The following TIMELESS variants were observed in gnomAD, a reference collection of about 807,000 sequenced individuals.
TIMELESS encodes timeless circadian regulator, also known as protein timeless homolog.
TIMELESS carries 124 observed loss-of-function variants against 164.3 expected under a neutral mutation model. The ratio of observed to expected loss-of-function variants is 0.75; its 90% CI spans 0.65 to 0.88. The LOEUF (loss-of-function observed/expected upper bound fraction) is 0.88, where lower values mean the gene tolerates loss of function less well. Among genes scored for constraint, TIMELESS ranks in the 40% least tolerant of loss-of-function variants. The probability of loss-of-function intolerance (pLI) is 0.00; values close to 1 mark genes in which losing one functional copy is unlikely to be tolerated. For synonymous variants in TIMELESS, 564 were observed against 563.4 expected (o/e 1.00, Z -0.02); for missense variants, 1,422 against 1,491.4 (o/e 0.95, Z 0.77).
Position 56,433,126 on chromosome 12 carries a change from C to T in TIMELESS, c.431G>A (p.Gly144Asp), listed in dbSNP as rs1454384368. 1 of 1,614,036 alleles carries T rather than the reference C, an allele frequency of 6.2e-7. No individual in the cohort carries two copies. The highest frequency in any genetic ancestry group is 1.7e-5 in the Admixed American group (1 of 59,992). The change falls in exon 6 of 29, where the codon GGC becomes GAC. Residue 144 changes from glycine (G) to aspartate (D), a missense_variant and splice_region_variant. Coordinates refer to ENST00000553532, the MANE Select transcript of TIMELESS (RefSeq NM_003920.5). The part of the protein sequence containing the change: ...SETLYELLQL[G>D]WEERQEEDNL... The stretch of plus-strand genomic sequence containing the variant: ...GTCTTCCTCCTGCCGTTCCTCCCAG[C>T]CCTAACCAGAAGAGAGTAAGAGGAA...
At chr12:56,442,771 G>A (rs545419723) in intron 1 of TIMELESS, among the ~76,000 whole-genome samples, 19 of 152,276 alleles carry the variant, frequency 1.2e-4, no homozygotes, top group South Asian at 4.1e-4. Flanking sequence ...TGGAGAGACC[G>A]GCTGAAGCCA....
intron 26 of TIMELESS, 97 bp downstream of exon 26, chr12:56,420,472 G>GGAT (rs10631263): frequency 0.69 from 661,599 of 955,898 alleles, 233,858 homozygotes; most frequent in African/African-American, 0.79. Flanking sequence ...ATGACGATAA[G>GGAT]GATAAGGAGG....
rs186989058 is a variant in TIMELESS at position 56,419,333 on chromosome 12, C to A, written c.3229-974G>T. ...GGCTGCATCAGGGGCATGAACAAAT[C>A]ACAGCTGCAAAAGTGATTATTTTTA... On this transcript the variant is annotated intron_variant, in intron 26 of 28. Coordinates refer to ENST00000553532, the MANE Select transcript of TIMELESS (RefSeq NM_003920.5). Among the ~76,000 whole-genome samples, 683 of 152,244 alleles carry A rather than the reference C, an allele frequency of 4.5e-3. 26 individuals carry two copies. Among genetic ancestry groups the A allele is most frequent in the Admixed American group, 0.043 (656 of 15,284 alleles).
intron 15 of TIMELESS, 79 bp from the exon 16 acceptor site, chr12:56,423,973 T>G (rs1377884833): frequency 7.9e-7 from 1 of 1,258,168 alleles, no homozygotes; most frequent in Non-Finnish European, 1.1e-6. Flanking sequence ...AAGAAGGAAT[T>G]TAGACTTATT....
Position 56,444,658 on chromosome 12 carries a change from G to A in TIMELESS, c.-62+4652C>T, listed in dbSNP as rs896838017. Among the ~76,000 whole-genome samples, 4 of 150,904 alleles carry A rather than the reference G, an allele frequency of 2.7e-5. No homozygotes were observed. The South Asian group carries it at 6.3e-4, about 24-fold the overall frequency. Reference sequence around the variant, plus strand: ...AGCCCCCAGGCTCAAGCTATCCTCCGACCGCAGCCTCCCAAAGTGCTGGGA... The same window carrying A: ...AGCCCCCAGGCTCAAGCTATCCTCCAACCGCAGCCTCCCAAAGTGCTGGGA... On this transcript the variant is annotated intron_variant, in intron 1 of 28. Transcript: ENST00000553532.
In TIMELESS at chr12:56,420,673, C is replaced by A. The variant is rs745492833; in HGVS notation, c.3124G>T (p.Val1042Phe). The A allele has an allele frequency of 6.2e-7, 1 of 1,614,190 alleles. No homozygotes were observed. The highest frequency in any genetic ancestry group is 1.1e-5 in the South Asian group (1 of 91,086). The change falls in exon 26 of 29, where the codon GTT (valine) becomes TTT (phenylalanine). Residue 1042 changes from valine to phenylalanine, a missense_variant. Transcript: ENST00000553532. ...DREEDGCSQA[V>F]PLVPLTEENE... ...TCCTCTGTGAGTGGCACCAATGGAACGGCCTGGGAGCAGCCTAAGACAGGG... is the reference window on the plus strand; with the variant it reads ...TCCTCTGTGAGTGGCACCAATGGAAAGGCCTGGGAGCAGCCTAAGACAGGG...
chr12:56,433,864 G>A lies in TIMELESS; in HGVS notation c.160C>T (p.Gln54Ter). The change falls in exon 3 of 29, where the codon CAG (glutamine) becomes TAG (stop). Residue 54 changes from glutamine to a stop codon, truncating the protein, a stop_gained. Transcript: ENST00000553532. LOFTEE classifies it high-confidence loss of function. ...HEDETRDVRQ[Q>*]LGAAQILQSD... Reference sequence around the variant, plus strand: ...TGTAGGATCTGGGCTGCCCCCAGCTGCTGCCGCACATCTCGTGTCTCATCC... The same window carrying A: ...TGTAGGATCTGGGCTGCCCCCAGCTACTGCCGCACATCTCGTGTCTCATCC... 1.9e-6 allele frequency: 3 copies of A among 1,614,162 alleles called. No homozygotes were observed. Among genetic ancestry groups the A allele is most frequent in the Non-Finnish European group, 2.5e-6 (3 of 1,180,020 alleles).
In TIMELESS at chr12:56,434,231, C is replaced by G; in HGVS notation, c.-61G>C. ...GAAACAGGAGACAGAAATGATGAGG[C>G]CTGGAGAAATAGAGAAAGATAAAAA... On this transcript the variant is annotated splice_region_variant and 5_prime_UTR_variant, in exon 2 of 29. Coordinates refer to ENST00000553532, the MANE Select transcript of TIMELESS (RefSeq NM_003920.5). 7.5e-7 allele frequency: 1 copy of G among 1,338,446 alleles called. No individual in the cohort carries two copies. Among genetic ancestry groups the G allele is most frequent in the South Asian group, 1.2e-5 (1 of 84,310 alleles). The allele number at this position is 1,338,446 out of a possible 1,614,324, so 82.9% of individuals were successfully genotyped here. A position where few individuals can be genotyped will look rare whatever the true frequency, so the allele number is the denominator to read the frequency against.
In TIMELESS at chr12:56,429,075, T is replaced by C. The variant is rs1881779785; in HGVS notation, c.1112A>G (p.Gln371Arg). 1.2e-6 allele frequency: 2 copies of C among 1,613,796 alleles called. 1 individual carries two copies. The highest frequency in any genetic ancestry group is 2.2e-5 in the South Asian group (2 of 91,080). The change falls in exon 11 of 29, where the codon CAG (glutamine) becomes CGG (arginine). Residue 371 changes from glutamine (Q) to arginine (R), a missense_variant. Transcript: ENST00000553532. The stretch of plus-strand genomic sequence containing the variant: ...CATATAATAGGTCTCATCATGCTGC[T>C]GAGCTTTCTCCCGAAGCAGGTGATC... ...VKDHLLREKAQQHDETYYMWA... is the reference protein window; with the variant it reads ...VKDHLLREKARQHDETYYMWA...
intron 13 of TIMELESS, among the ~76,000 whole-genome samples, chr12:56,427,739 C>T (rs1447999288): frequency 1.3e-5 from 2 of 152,046 alleles, no homozygotes; most frequent in East Asian, 1.9e-4. Context: ...ACACGCCTGG[C>T]TAATTTTTGT....
chr12:56,419,504 T>C (rs960750518), intron 26 of TIMELESS, among the ~76,000 whole-genome samples: 7 of 135,194 alleles, frequency 5.2e-5, no homozygotes, highest in African/African-American at 8.0e-5. Flanking sequence ...GTGTGCACGG[T>C]TGCAGCCTTC....
At position 56,441,752 on chromosome 12, in the gene TIMELESS, G is replaced by A. The variant is rs369247521; in HGVS notation, c.-61-7521C>T. On this transcript the variant is annotated intron_variant, in intron 1 of 28. Transcript: ENST00000553532. ...GAGAACCTTCCTGGCAAAAGATAGCGTGCAGGTGCAATGGTAGCGCTAAAG... is the reference window on the plus strand; with the variant it reads ...GAGAACCTTCCTGGCAAAAGATAGCATGCAGGTGCAATGGTAGCGCTAAAG... Among the ~76,000 whole-genome samples the A allele has an allele frequency of 2.6e-4, 39 of 151,620 alleles. 2 individuals carry two copies. The East Asian group carries it at 4.7e-3, about 18-fold the overall frequency.
Position 56,429,030 on chromosome 12 carries a change from A to G in TIMELESS, c.1157T>C (p.Met386Thr), listed in dbSNP as rs1881777318. 2.5e-6 allele frequency: 4 copies of G among 1,614,056 alleles called. No homozygotes were observed. Among genetic ancestry groups the G allele is most frequent in the Non-Finnish European group, 3.4e-6 (4 of 1,180,028 alleles). Residue 386 changes from methionine to threonine, a missense_variant, in exon 11 of 29, where the codon ATG (methionine) becomes ACG (threonine). Physicochemically the swap from Met to Thr is moderately conservative, Grantham distance 81. Coordinates refer to ENST00000553532, the MANE Select transcript of TIMELESS (RefSeq NM_003920.5). Reference protein sequence around the residue: ...TYYMWALAFFMAFNRAASFRP... With the variant: ...TYYMWALAFFTAFNRAASFRP... The stretch of plus-strand genomic sequence containing the variant: ...GAAGGAGGCAGCTCGGTTGAAGGCC[A>G]TGAAGAAAGCCAAGGCCCACATATA...
intron 5 of TIMELESS, 28 bp from the exon 6 acceptor site, chr12:56,433,155 A>G: frequency 6.2e-7 from 1 of 1,606,032 alleles, no homozygotes; most frequent in Non-Finnish European, 8.5e-7. Flanking sequence ...AGAGGAAGAG[A>G]CTCCCTGTGG....
Position 56,425,168 on chromosome 12 carries a change from T to C in TIMELESS, c.1579-16A>G. On this transcript the variant is annotated splice_polypyrimidine_tract_variant and intron_variant, in intron 13 of 28. Coordinates refer to ENST00000553532, the MANE Select transcript of TIMELESS (RefSeq NM_003920.5). ...TTTGTTTGTTCTGTGGGGAAAGAAT[T>C]GTATTAGGATGTCAAGAGAGCTAAA... The C allele has an allele frequency of 6.2e-7, 1 of 1,605,618 alleles. No individual in the cohort carries two copies. The highest frequency in any genetic ancestry group is 8.5e-7 in the Non-Finnish European group (1 of 1,178,100).
chr12:56,422,978 A>T lies in TIMELESS; in HGVS notation c.2307T>A (p.Phe769Leu). The change falls in exon 19 of 29, where the codon TTT (phenylalanine) becomes TTA (leucine). Residue 769 changes from phenylalanine (F) to leucine (L), a missense_variant. Physicochemically the swap from Phe to Leu is conservative, Grantham distance 22 (BLOSUM62 0). Coordinates refer to ENST00000553532, the MANE Select transcript of TIMELESS (RefSeq NM_003920.5). ...AAGAYKELVT[F>L]AKYILGKFFA... ...AAAATTTGCCCAGGATGTATTTGGC[A>T]AAAGTCACTAGCTCCTGTAGGAGAA... 1.9e-6 allele frequency: 3 copies of T among 1,613,800 alleles called. No homozygotes were observed. Among genetic ancestry groups the T allele is most frequent in the Non-Finnish European group, 2.5e-6 (3 of 1,179,908 alleles).
rs371822490 is a variant in TIMELESS at position 56,417,972 on chromosome 12, G to A, written c.3491C>T (p.Ala1164Val). The A allele has an allele frequency of 6.2e-7, 1 of 1,614,072 alleles. No homozygotes were observed. Residue 1164 changes from alanine to valine, a missense_variant, in exon 28 of 29, where the codon GCA (alanine) becomes GTA (valine). Coordinates refer to ENST00000553532, the MANE Select transcript of TIMELESS (RefSeq NM_003920.5). ...DAVGKEPLKA[A>V]PKKRQLLDSD... ...GTCCAGCAATTGTCGTTTCTTGGGT[G>A]CTGCCTTCAGCGGCTCTTTACCAAC...
chr12:56,417,763 T>C lies in TIMELESS; in HGVS notation c.3580A>G (p.Ile1194Val). ...NRAPELGAPG[I>V]QKKKRYQIED... ...ATCTGGTATCGTTTCTTCTTTTGGA[T>C]TCCTGGAGCTCCCAACTCTGGTGCT... Residue 1194 changes from isoleucine to valine, a missense_variant, in exon 29 of 29, where the codon ATC becomes GTC. Physicochemically the swap from Ile to Val is conservative, Grantham distance 29 (BLOSUM62 3). Transcript: ENST00000553532. 6.2e-7 allele frequency: 1 copy of C among 1,614,178 alleles called. No individual in the cohort carries two copies. The highest frequency in any genetic ancestry group is 8.5e-7 in the Non-Finnish European group (1 of 1,180,028).
chr12:56,428,920 G>A lies in TIMELESS; in HGVS notation c.1267C>T (p.Leu423=), dbSNP rs1881769678. ...GAGGCAGCTTCCTTGCGGTCAGTCA[G>A]CATCATCTCATAGTAGTTGGTGAGG... ...QNLTNYYEMM[L]TDRKEAASWA... is the part of the protein sequence containing the mutation. Residue 423 remains leucine (L), a synonymous_variant, in exon 11 of 29, where the codon CTG becomes TTG. Coordinates refer to ENST00000553532, the MANE Select transcript of TIMELESS (RefSeq NM_003920.5). 3.1e-6 allele frequency: 5 copies of A among 1,614,064 alleles called. No individual in the cohort carries two copies. The highest frequency in any genetic ancestry group is 4.2e-6 in the Non-Finnish European group (5 of 1,180,028).
Sources: gnomAD v4.1 joint callset for allele counts (sites outside exome capture counted in the v4.1 genomes callset) on GRCh38, gnomAD v4.1.1 for gene constraint, MANE v1.5 for transcripts, NCBI Gene and HGNC (gene_info 2026-07-23, HGNC 2026-07-21) for gene names.